Variants in PDE10A observed in about 807,000 individuals in gnomAD.
The protein encoded by PDE10A is phosphodiesterase 10A.
A neutral mutation model predicts 97.7 loss-of-function variants in PDE10A; 39 were observed. The ratio of observed to expected loss-of-function variants is 0.40; its 90% CI spans 0.31 to 0.52. The LOEUF is 0.52. Among genes scored for constraint, PDE10A ranks in the 20% least tolerant of loss-of-function variants. PDE10A has a pLI of 0.56. For synonymous variants in PDE10A, 371 were observed against 376.8 expected, an observed-to-expected ratio of 0.98 and a Z score of 0.18; for missense variants, 731 against 1,047.8, an observed-to-expected ratio of 0.70 and a Z score of 4.17.
At chr6:165,710,659 A>T (rs56222411) in intron 1 of PDE10A, among the ~76,000 whole-genome samples, 9,734 of 152,266 alleles carry the variant, frequency 0.064, 620 homozygotes, top group African/African-American at 0.16. Context: ...TAGCAATAAA[A>T]GTCATCAGAT....
At chr6:165,668,888 AG>A (rs1790568913) in intron 1 of PDE10A, among the ~76,000 whole-genome samples, 1 of 152,226 alleles carries the variant, frequency 6.6e-6, no homozygotes, top group Middle Eastern at 3.2e-3. Flanking sequence ...GGTTTTAATG[AG>A]GAGACAATGC....
At chr6:165,339,995 T>C (rs1781885202) in intron 19 of PDE10A, among the ~76,000 whole-genome samples, 1 of 152,220 alleles carries the variant, frequency 6.6e-6, no homozygotes, top group African/African-American at 2.4e-5. Context: ...CTATGTTAGT[T>C]ACTAAAGATT....
At chr6:165,806,833 T>C (rs996595338) in intron 1 of PDE10A, among the ~76,000 whole-genome samples, 2 of 152,178 alleles carry the variant, frequency 1.3e-5, no homozygotes, top group African/African-American at 4.8e-5. Flanking sequence ...CTTCAGGTAT[T>C]GGGGTTCATT....
intron 1 of PDE10A, among the ~76,000 whole-genome samples, chr6:165,698,118 A>G (rs1295087982): frequency 6.6e-6 from 1 of 152,148 alleles, no homozygotes; most frequent in African/African-American, 2.4e-5. Context: ...ACAAATAAAC[A>G]AGCCATGTTT....
chr6:165,836,061 G>T (rs1028377593), intron 1 of PDE10A, among the ~76,000 whole-genome samples: 2 of 152,068 alleles, frequency 1.3e-5, no homozygotes, highest in African/African-American at 4.8e-5. Flanking sequence ...AATCTAAAAC[G>T]CTTTCGCTGT....
chr6:165,825,685 G>A (rs1040882055), intron 1 of PDE10A, among the ~76,000 whole-genome samples: 15 of 152,194 alleles, frequency 9.9e-5, no homozygotes, highest in Non-Finnish European at 1.8e-4. Context: ...CAAGGAGGTC[G>A]GTGCCTGACT....
rs974990459 is a variant in PDE10A, at chr6:165,384,671, T to C, written c.2610+3627A>G. Among the ~76,000 whole-genome samples, 120 of 47,080 alleles carry C rather than the reference T, an allele frequency of 2.5e-3. 4 individuals are homozygous for C. The highest frequency in any genetic ancestry group is 4.1e-3 in the Non-Finnish European group (105 of 25,656). 30.9% of individuals were successfully genotyped at this position (47,080 alleles called of 152,430 possible). On this transcript the variant is annotated intron_variant, in intron 17 of 21. Transcript: ENST00000539869. ...GTGTGTGTGTGTGTGTGTGTGTGTA[T>C]GGGGGGGGGCGACTAAAGGTTAGCT...
intron 17 of PDE10A, among the ~76,000 whole-genome samples, chr6:165,381,364 G>A (rs754802867): frequency 6.6e-5 from 10 of 152,114 alleles, no homozygotes; most frequent in Non-Finnish European, 1.0e-4. Flanking sequence ...AGGAAACTAG[G>A]TGAAAAAGCT....
chr6:165,477,514 C>T (rs1036927886), intron 3 of PDE10A, among the ~76,000 whole-genome samples: 1 of 152,136 alleles, frequency 6.6e-6, no homozygotes, highest in Non-Finnish European at 1.5e-5. Context: ...TTGGGACTCA[C>T]CTAATATTTG....
intron 1 of PDE10A, among the ~76,000 whole-genome samples, chr6:165,612,234 C>T (rs1371270726): frequency 1.3e-5 from 2 of 152,168 alleles, no homozygotes; most frequent in Admixed American, 6.5e-5. Flanking sequence ...CAAACTATGG[C>T]AACCCTAGGG....
intron 1 of PDE10A, among the ~76,000 whole-genome samples, chr6:165,764,968 A>G (rs1419804276): frequency 6.6e-6 from 1 of 152,112 alleles, no homozygotes; most frequent in African/African-American, 2.4e-5. Context: ...CTAGACACAA[A>G]GGTTCTCCAC....
chr6:165,388,421 A>G lies in PDE10A; in HGVS notation c.2487T>C (p.His829=), dbSNP rs1019080747. 1.9e-6 allele frequency: 3 copies of G among 1,614,078 alleles called. No individual in the cohort carries two copies. In the African/African-American group the frequency reaches 4.0e-5, roughly 22 times the overall value. ...RKGLLIACLC[H]DLDHRGFSNS... Reference sequence around the variant, plus strand: ...TACTGAAGCCCCTGTGGTCCAGGTCATGACACAGACACGCAATCAGCAGTC... The same window carrying G: ...TACTGAAGCCCCTGTGGTCCAGGTCGTGACACAGACACGCAATCAGCAGTC... The change falls in exon 17 of 22, where the codon CAT becomes CAC. Residue 829 remains histidine (H), a synonymous_variant. Transcript: ENST00000539869. The surrounding 1 kb of genome is among the most constrained non-coding windows in gnomAD (Gnocchi z 4.0).
intron 18 of PDE10A, among the ~76,000 whole-genome samples, chr6:165,372,629 A>G (rs1366869966): frequency 6.6e-6 from 1 of 151,294 alleles, no homozygotes; most frequent in Non-Finnish European, 1.5e-5. Flanking sequence ...GGAAGAATCA[A>G]TATTGTGAAA....
chr6:165,351,949 G>C (rs1428703320), intron 18 of PDE10A, among the ~76,000 whole-genome samples: 2 of 152,122 alleles, frequency 1.3e-5, no homozygotes, highest in East Asian at 3.9e-4. Context: ...TGCCTCCCAG[G>C]TTCAAGCAAT....
At chr6:165,420,949 G>A (rs1430060474) in intron 10 of PDE10A, among the ~76,000 whole-genome samples, 1 of 151,970 alleles carries the variant, frequency 6.6e-6, no homozygotes, top group Non-Finnish European at 1.5e-5. Flanking sequence ...GAAAATCACA[G>A]ATTTACTTTT....
chr6:165,812,444 G>T (rs1355491369), intron 1 of PDE10A, among the ~76,000 whole-genome samples: 1 of 148,390 alleles, frequency 6.7e-6, no homozygotes, highest in African/African-American at 2.5e-5. Context: ...AAAAAAAAAA[G>T]TGTCCTCTCA....
intron 1 of PDE10A, among the ~76,000 whole-genome samples, chr6:165,766,982 T>C (rs1777868320): frequency 6.6e-6 from 1 of 152,242 alleles, no homozygotes; most frequent in Admixed American, 6.5e-5. Context: ...CCTTGTTTTA[T>C]AATTGAATTT....
chr6:165,550,600 C>G (rs1783964864), intron 1 of PDE10A, among the ~76,000 whole-genome samples: 1 of 152,180 alleles, frequency 6.6e-6, no homozygotes, highest in Non-Finnish European at 1.5e-5. Flanking sequence ...ATGGGCATTG[C>G]TGTTTAATCT....
intron 1 of PDE10A, among the ~76,000 whole-genome samples, chr6:165,928,328 TGA>T (rs1319027735): frequency 2.6e-5 from 4 of 152,018 alleles, no homozygotes; most frequent in Non-Finnish European, 5.9e-5. Context: ...GATTGGAGGA[TGA>T]GAATAAAAGG....
Sources: allele counts gnomAD v4.1 joint callset (sites outside exome capture counted in the v4.1 genomes callset), GRCh38; gene constraint gnomAD v4.1.1; non-coding constraint Gnocchi (gnomAD v3.1); transcripts MANE v1.5; gene names NCBI Gene and HGNC (gene_info 2026-07-23, HGNC 2026-07-21).